Variants in DSP observed in about 807,000 individuals in gnomAD.
DSP encodes the protein 250/210 kDa paraneoplastic pemphigus antigen.
DSP carries 114 observed loss-of-function variants against 290.6 expected under a neutral mutation model. The observed-to-expected ratio is 0.39, with a 90% confidence interval of 0.34 to 0.46. The LOEUF is 0.46. Ranked by LOEUF, DSP falls within the 20% of genes least tolerant of loss-of-function variation. The probability of loss-of-function intolerance (pLI) is 0.99; values close to 1 mark genes in which losing one functional copy is unlikely to be tolerated. For synonymous variants in DSP, 1,311 were observed against 1,316.4 expected, an observed-to-expected ratio of 1.00 and a Z score of 0.09; for missense variants, 3,230 against 3,495.8, an observed-to-expected ratio of 0.92 and a Z score of 1.92.
chr6:7,565,310 A>G lies in DSP; in HGVS notation c.778-49A>G. The G allele has an allele frequency of 6.3e-7, 1 of 1,598,170 alleles. No homozygotes were observed. Among genetic ancestry groups the G allele is most frequent in the Non-Finnish European group, 8.6e-7 (1 of 1,166,866 alleles). ...AATCTTTAAACCTGCAGAGAACACCAGTCACTGCATATTGTTATTTTAATG... is the reference window on the plus strand; with the variant it reads ...AATCTTTAAACCTGCAGAGAACACCGGTCACTGCATATTGTTATTTTAATG... On this transcript the variant is annotated intron_variant, in intron 6 of 23. Coordinates refer to ENST00000379802, the MANE Select transcript of DSP (RefSeq NM_004415.4). This position sits in a 1 kb window ranked among gnomAD's most constrained non-coding sequence, Gnocchi z 4.2.
intron 1 of DSP, among the ~76,000 whole-genome samples, chr6:7,549,258 TCCTG>T (rs1758263456): frequency 6.6e-6 from 1 of 152,114 alleles, no homozygotes; most frequent in African/African-American, 2.4e-5. Context: ...CAAGCGATTC[TCCTG>T]CTTCAGCCTC....
intron 1 of DSP, among the ~76,000 whole-genome samples, chr6:7,544,000 A>C (rs1305755970): frequency 6.6e-6 from 1 of 152,140 alleles, no homozygotes; most frequent in Admixed American, 6.5e-5. Flanking sequence ...CTACTTACAA[A>C]CTTGTCAAGT....
chr6:7,559,375 G>A lies in DSP; in HGVS notation c.572G>A (p.Cys191Tyr), dbSNP rs761969701. Residue 191 changes from cysteine (C) to tyrosine (Y), a missense_variant, in exon 4 of 24, where the codon TGT becomes TAT. By Grantham distance (194) the Cys-to-Tyr change is radical. This residue lies in a region of DSP where 646 missense variants were observed against 684.3 expected (regional missense o/e 0.94). Transcript: ENST00000379802. ...TTCACCAAACATGTCACCAGTGAAT[G>A]TTTGGGGTGGATGAGGCAGCAAAGG... ...DEFTKHVTSE[C>Y]LGWMRQQRAE... 3.1e-6 allele frequency: 5 copies of A among 1,612,818 alleles called. No homozygotes were observed. The African/African-American group carries it at 5.3e-5, about 17-fold the overall frequency.
intron 15 of DSP, 114 bp from the exon 16 acceptor site, chr6:7,573,972 T>A: frequency 9.0e-7 from 1 of 1,115,548 alleles, no homozygotes; most frequent in Non-Finnish European, 1.3e-6. Flanking sequence ...ACTTACCTGA[T>A]GTAATCATTT....
chr6:7,543,393 CTT>C (rs397886749), intron 1 of DSP, among the ~76,000 whole-genome samples: 7,788 of 79,968 alleles, frequency 0.097, 244 homozygotes, highest in African/African-American at 0.19. Context: ...TCTATTTTCG[CTT>C]TTTTTTTTTT....
chr6:7,576,027 A>G (rs1241784960), intron 18 of DSP, among the ~76,000 whole-genome samples: 1 of 151,422 alleles, frequency 6.6e-6, no homozygotes, highest in Non-Finnish European at 1.5e-5. Flanking sequence ...ATCATTTTCT[A>G]TTTTTTTCAT....
chr6:7,583,544 T>A lies in DSP; in HGVS notation c.6282T>A (p.Thr2094=). ...TATATGCAGCAGAAAAAGCTATCACTGGTTTTGATGATCCATTTTCAGGCA... is the reference window on the plus strand; with the variant it reads ...TATATGCAGCAGAAAAAGCTATCACAGGTTTTGATGATCCATTTTCAGGCA... The part of the protein sequence containing the change: ...QQIYAAEKAI[T]GFDDPFSGKT... Residue 2094 remains threonine, a synonymous_variant, in exon 24 of 24, where the codon ACT becomes ACA. Coordinates refer to ENST00000379802, the MANE Select transcript of DSP (RefSeq NM_004415.4). This position sits in a 1 kb window ranked among gnomAD's most constrained non-coding sequence, Gnocchi z 4.0. 1 of 1,614,146 alleles carries A rather than the reference T, an allele frequency of 6.2e-7. No individual in the cohort carries two copies. Among genetic ancestry groups the A allele is most frequent in the South Asian group, 1.1e-5 (1 of 91,084 alleles).
chr6:7,565,736 C>T lies in DSP; in HGVS notation c.939+216C>T, dbSNP rs1758843429. The stretch of plus-strand genomic sequence containing the variant: ...TTATGCGGGAACAGAAAACCAAATA[C>T]CACATGTTCTCACTTAGGAGTGGGA... On this transcript the variant is annotated intron_variant, in intron 7 of 23. Transcript: ENST00000379802. This position sits in a 1 kb window ranked among gnomAD's most constrained non-coding sequence, Gnocchi z 4.2. 5.2e-6 allele frequency: 3 copies of T among 581,096 alleles called. No homozygotes were observed. The highest frequency in any genetic ancestry group is 9.1e-6 in the Non-Finnish European group (3 of 328,488). The allele number at this position is 581,096 out of a possible 1,614,324, so 36.0% of individuals were successfully genotyped here.
At chr6:7,577,921 C>G (rs1430591353) in intron 21 of DSP, 35 bp downstream of exon 21, 1 of 1,533,328 alleles carries the variant, frequency 6.5e-7, no homozygotes, top group South Asian at 1.1e-5. Context: ...TAAAACCTGC[C>G]CCTCCTTCTG....
In DSP at chr6:7,566,369, A is replaced by T; in HGVS notation, c.940-8A>T. 6.2e-7 allele frequency: 1 copy of T among 1,609,884 alleles called. No individual in the cohort carries two copies. The highest frequency in any genetic ancestry group is 1.3e-5 in the African/African-American group (1 of 74,994). ...GCTGCAAAGGATTTCTTATTTCTTC[A>T]TTCACAGATACGCATGAGTCAACTG... On this transcript the variant is annotated splice_region_variant and splice_polypyrimidine_tract_variant and intron_variant, in intron 7 of 23. Transcript: ENST00000379802.
At position 7,583,343 on chromosome 6, in the gene DSP, A is replaced by G; in HGVS notation, c.6081A>G (p.Glu2027=). 6.2e-7 allele frequency: 1 copy of G among 1,614,210 alleles called. No individual in the cohort carries two copies. The highest frequency in any genetic ancestry group is 8.5e-7 in the Non-Finnish European group (1 of 1,180,038). The change falls in exon 24 of 24, where the codon GAA becomes GAG. Residue 2027 remains glutamate (E), a synonymous_variant. Transcript: ENST00000379802. This position sits in a 1 kb window ranked among gnomAD's most constrained non-coding sequence, Gnocchi z 4.0. Reference sequence around the variant, plus strand: ...CTGGAGCATCTGCTTCTCCTAAGGAAAAATACTCTTTGGTAGAGGCCAAGA... The same window carrying G: ...CTGGAGCATCTGCTTCTCCTAAGGAGAAATACTCTTTGGTAGAGGCCAAGA... ...SIAGASASPK[E]KYSLVEAKRK... is the part of the protein sequence containing the mutation.
Position 7,580,415 on chromosome 6 carries a change from A to G in DSP, c.4225A>G (p.Ile1409Val), listed in dbSNP as rs1264771294. 3 of 1,614,006 alleles carry G rather than the reference A, an allele frequency of 1.9e-6. No individual in the cohort carries two copies. In the African/African-American group the frequency reaches 4.0e-5, roughly 22 times the overall value. Residue 1409 changes from isoleucine to valine, a missense_variant, in exon 23 of 24, where the codon ATA becomes GTA. Physicochemically the swap from Ile to Val is conservative, Grantham distance 29. This residue lies in a region of DSP where 1,714 missense variants were observed against 1,844.5 expected (regional missense o/e 0.93). Coordinates refer to ENST00000379802, the MANE Select transcript of DSP (RefSeq NM_004415.4). This position sits in a 1 kb window ranked among gnomAD's most constrained non-coding sequence, Gnocchi z 4.2. ...TRENRSLSEE[I>V]KRLKNTLTQT... ...AGAAAACAGGAGCTTATCTGAAGAA[A>G]TAAAGAGGCTGAAGAACACTCTAAC...
chr6:7,571,782 G>GC, intron 14 of DSP, 60 bp from the exon 15 acceptor site: 1 of 1,565,352 alleles, frequency 6.4e-7, no homozygotes, highest in Non-Finnish European at 8.8e-7. Flanking sequence ...GTTTTTTGAG[G>GC]CCTAGCACCT....
In DSP at chr6:7,582,491, C is replaced by A; in HGVS notation, c.5380-151C>A. On this transcript the variant is annotated intron_variant, in intron 23 of 23. Transcript: ENST00000379802. This position sits in a 1 kb window ranked among gnomAD's most constrained non-coding sequence, Gnocchi z 4.2. ...TCCCACAAATTTGTAAAATAACAAG[C>A]TCACAGTGTATCCAGGGACAATATA... The A allele has an allele frequency of 2.8e-6, 2 of 713,054 alleles. No individual in the cohort carries two copies. Among genetic ancestry groups the A allele is most frequent in the South Asian group, 2.0e-5 (1 of 49,708 alleles). The allele number at this position is 713,054 out of a possible 1,614,324, so 44.2% of individuals were successfully genotyped here. A position where few individuals can be genotyped will look rare whatever the true frequency, so the allele number is the denominator to read the frequency against.
intron 1 of DSP, among the ~76,000 whole-genome samples, chr6:7,554,650 A>G (rs959756639): frequency 7.9e-5 from 12 of 152,062 alleles, no homozygotes; most frequent in Admixed American, 5.2e-4. Flanking sequence ...GAAAATATAT[A>G]TATATATTTT....
chr6:7,569,547 A>G (rs1043532938), intron 12 of DSP, among the ~76,000 whole-genome samples: 15 of 152,224 alleles, frequency 9.9e-5, no homozygotes, highest in African/African-American at 3.6e-4. Flanking sequence ...ATAAAAGGGA[A>G]TATCTGGCCG....
chr6:7,585,420 T>C lies in DSP; in HGVS notation c.8158T>C (p.Tyr2720His), dbSNP rs1383445601. The C allele has an allele frequency of 6.2e-7, 1 of 1,613,926 alleles. No homozygotes were observed. The highest frequency in any genetic ancestry group is 1.3e-5 in the African/African-American group (1 of 74,882). ...GGCAGTGAAAGAAAAATGGCTCCCG[T>C]ATGAGGCTGGCCAGCGCTTCCTGGA... is the stretch of plus-strand genomic sequence containing the variant. The part of the protein sequence containing the change: ...AEAVKEKWLP[Y>H]EAGQRFLEFQ... Residue 2720 changes from tyrosine to histidine, a missense_variant, in exon 24 of 24, where the codon TAT (tyrosine) becomes CAT (histidine). By Grantham distance (83) the Tyr-to-His change is moderately conservative. Around this residue, in one of 5 missense-constraint regions of DSP, gnomAD observed 582 missense variants for 555.4 expected, o/e 1.05. Coordinates refer to ENST00000379802, the MANE Select transcript of DSP (RefSeq NM_004415.4).
chr6:7,581,423 A>G lies in DSP; in HGVS notation c.5233A>G (p.Lys1745Glu). ...RRGRSEADSD[K>E]NATILELRSQ... ...AGGACGAAGCGAAGCGGACAGTGAT[A>G]AAAATGCAACCATCTTGGAACTAAG... The change falls in exon 23 of 24, where the codon AAA becomes GAA. Residue 1745 changes from lysine to glutamate, a missense_variant. Around this residue, in one of 5 missense-constraint regions of DSP, gnomAD observed 1,714 missense variants for 1,844.5 expected, o/e 0.93. Transcript: ENST00000379802. The G allele has an allele frequency of 1.9e-6, 3 of 1,613,120 alleles. No homozygotes were observed. The highest frequency in any genetic ancestry group is 2.2e-5 in the East Asian group (1 of 44,886).
In DSP at chr6:7,565,482, A is replaced by C; in HGVS notation, c.901A>C (p.Lys301Gln). The change falls in exon 7 of 24, where the codon AAG becomes CAG. Residue 301 changes from lysine (K) to glutamine (Q), a missense_variant. This residue lies in a region of DSP where 646 missense variants were observed against 684.3 expected (regional missense o/e 0.94). Coordinates refer to ENST00000379802, the MANE Select transcript of DSP (RefSeq NM_004415.4). This position sits in a 1 kb window ranked among gnomAD's most constrained non-coding sequence, Gnocchi z 4.2. ...GGAGCTGCTGTACGACTGGAGCGAC[A>C]AGAACACCAACATCGCTCAGAAACA... The part of the protein sequence containing the change: ...EEELLYDWSD[K>Q]NTNIAQKQEA... 2 of 1,614,092 alleles carry C rather than the reference A, an allele frequency of 1.2e-6. No homozygotes were observed. The highest frequency in any genetic ancestry group is 2.2e-5 in the South Asian group (2 of 91,072).
Sources: gnomAD v4.1 joint callset for allele counts (sites outside exome capture counted in the v4.1 genomes callset) on GRCh38, gnomAD v4.1.1 for gene constraint, gnomAD v4.1.1 regional missense constraint, Gnocchi (gnomAD v3.1) non-coding constraint, MANE v1.5 for transcripts, NCBI Gene and HGNC (gene_info 2026-07-23, HGNC 2026-07-21) for gene names.